Variants in UGT1A6 observed in about 807,000 individuals in gnomAD.
UGT1A6 encodes UDP glucuronosyltransferase family 1 member A6, also known as UDP-glucuronosyltransferase 1A6.
A neutral mutation model predicts 44.4 loss-of-function variants in UGT1A6; 32 were observed. The ratio of observed to expected loss-of-function variants is 0.72; its 90% CI spans 0.54 to 0.97. The LOEUF is 0.97. Ranked by LOEUF, UGT1A6 falls within the 50% of genes least tolerant of loss-of-function variation. UGT1A6 has a pLI of 0.00. For synonymous variants in UGT1A6, 238 were observed against 248.5 expected, an observed-to-expected ratio of 0.96 and a Z score of 0.40; for missense variants, 685 against 661.9, an observed-to-expected ratio of 1.03 and a Z score of -0.38.
intron 1 of UGT1A6, among the ~76,000 whole-genome samples, chr2:233,725,738 A>G (rs1198511442): frequency 6.6e-6 from 1 of 152,210 alleles, no homozygotes; most frequent in Non-Finnish European, 1.5e-5. Flanking sequence ...ACAAATGTAA[A>G]CATTGTAAGA....
At chr2:233,745,011 G>A (rs1692986382) in intron 1 of UGT1A6, among the ~76,000 whole-genome samples, 1 of 151,810 alleles carries the variant, frequency 6.6e-6, no homozygotes, top group South Asian at 2.1e-4. Flanking sequence ...CCTAATAAAT[G>A]TAAATGCTAT....
At position 233,772,425 on chromosome 2, in the gene UGT1A6, G is replaced by A; in HGVS notation, c.1465G>A (p.Asp489Asn). The change falls in exon 5 of 5, where the codon GAC (aspartate) becomes AAC (asparagine). Residue 489 changes from aspartate (D) to asparagine (N), a missense_variant. By Grantham distance (23) the Asp-to-Asn change is conservative (BLOSUM62 1). Transcript: ENST00000305139. Reference protein sequence around the residue: ...DLTWYQYHSLDVIGFLLAVVL... With the variant: ...DLTWYQYHSLNVIGFLLAVVL... ...CACCTGGTACCAGTACCATTCCTTG[G>A]ACGTGATTGGTTTCCTCTTGGCCGT... 1.2e-6 allele frequency: 2 copies of A among 1,614,224 alleles called. No individual in the cohort carries two copies. Among genetic ancestry groups the A allele is most frequent in the Non-Finnish European group, 1.7e-6 (2 of 1,180,044 alleles).
At chr2:233,741,466 G>C (rs577572519) in intron 1 of UGT1A6, 1 of 149,788 alleles carries the variant, frequency 6.7e-6, no homozygotes, top group Non-Finnish European at 1.5e-5. Flanking sequence ...CTTCACACAT[G>C]TAAGTTCCCT....
intron 1 of UGT1A6, among the ~76,000 whole-genome samples, chr2:233,761,693 AG>A (rs1697839049): frequency 6.6e-6 from 1 of 152,260 alleles, no homozygotes; most frequent in African/African-American, 2.4e-5. Flanking sequence ...TGATACAGAA[AG>A]GTTGTAGGTT....
chr2:233,692,242 TA>T (rs2075086970), upstream of UGT1A6: 1 of 152,356 alleles, frequency 6.6e-6, no homozygotes, highest in Non-Finnish European at 1.5e-5. Context: ...TCCATGGCCA[TA>T]CCCCCATATC....
intron 1 of UGT1A6, among the ~76,000 whole-genome samples, chr2:233,722,693 G>A (rs969109813): frequency 2.0e-5 from 3 of 151,938 alleles, no homozygotes; most frequent in Admixed American, 1.3e-4. Context: ...TCTTTTCATT[G>A]CTTTTAGATA....
At chr2:233,734,933 A>T (rs1236153651) in intron 1 of UGT1A6, among the ~76,000 whole-genome samples, 3 of 152,196 alleles carry the variant, frequency 2.0e-5, no homozygotes, top group Non-Finnish European at 4.4e-5. Context: ...TTTACTTACA[A>T]TCATATGGTC....
In UGT1A6 at chr2:233,740,134, T is replaced by C. The variant is rs143794870; in HGVS notation, c.862-26900T>C. ...CTTATCTCTCACCTTCTGTCATGATTGTAAGTTTCCTGAGGCCTCCCCAGT... is the reference window on the plus strand; with the variant it reads ...CTTATCTCTCACCTTCTGTCATGATCGTAAGTTTCCTGAGGCCTCCCCAGT... On this transcript the variant is annotated intron_variant, in intron 1 of 4. Transcript: ENST00000305139. Among the ~76,000 whole-genome samples the C allele has an allele frequency of 9.1e-3, 1,384 of 152,004 alleles. 51 individuals carry two copies. The highest frequency in any genetic ancestry group is 0.032 in the African/African-American group (1,337 of 41,236).
rs1028385252 is a variant in UGT1A6 at position 233,772,759 on chromosome 2, C to T, written c.*200C>T. On this transcript the variant is annotated 3_prime_UTR_variant, in exon 5 of 5. Transcript: ENST00000305139. ...TCAGTAAAGATATTTGAATATGTAT[C>T]GTGCCCCCTCTGGTGTCTTTGATCA... is the stretch of plus-strand genomic sequence containing the variant. 2.3e-5 allele frequency: 32 copies of T among 1,393,958 alleles called. No individual in the cohort carries two copies. In the Admixed American group the frequency reaches 4.6e-4, roughly 20 times the overall value. The allele number at this position is 1,393,958 out of a possible 1,614,324, so 86.3% of individuals were successfully genotyped here. A position where few individuals can be genotyped will look rare whatever the true frequency, so the allele number is the denominator to read the frequency against.
chr2:233,706,663 G>T (rs2075918745), intron 1 of UGT1A6, among the ~76,000 whole-genome samples: 1 of 152,176 alleles, frequency 6.6e-6, no homozygotes, highest in South Asian at 2.1e-4. Context: ...CTGTAGGTCT[G>T]ATTTCTACTC....
Position 233,757,121 on chromosome 2 carries a change from A to G in UGT1A6, c.862-9913A>G, listed in dbSNP as rs559239929. 1.1e-4 allele frequency among the ~76,000 whole-genome samples: 17 copies of G among 151,382 alleles called. No homozygotes were observed. The South Asian group carries it at 3.4e-3, about 30-fold the overall frequency. ...GAGGGGGCAAGCAGAAGGGCTAGAG[A>G]GGAGGAATGAGCTTGGACAGGTGGG... On this transcript the variant is annotated intron_variant, in intron 1 of 4. Coordinates refer to ENST00000305139, the MANE Select transcript of UGT1A6 (RefSeq NM_001072.4).
In UGT1A6 at chr2:233,756,630, T is replaced by C. The variant is rs563087338; in HGVS notation, c.862-10404T>C. On this transcript the variant is annotated intron_variant, in intron 1 of 4. Transcript: ENST00000305139. ...CATTAAGACTTGCAGGCCGTGTGTA[T>C]AGCACTGGGGATAAACATGGGATGC... Among the ~76,000 whole-genome samples the C allele has an allele frequency of 2.1e-3, 314 of 152,296 alleles. 12 individuals carry two copies. In the South Asian group the frequency reaches 0.063, roughly 31 times the overall value.
chr2:233,757,550 A>ATATATATATATATATATAT (rs1696620678), intron 1 of UGT1A6, among the ~76,000 whole-genome samples: 1 of 129,576 alleles, frequency 7.7e-6, no homozygotes, highest in Non-Finnish European at 1.6e-5. Context: ...ATATATATAT[A>ATATATATATATATATATAT]TATATATATA....
intron 1 of UGT1A6, chr2:233,747,713 T>A (rs1051640547): frequency 6.2e-7 from 1 of 1,613,024 alleles, no homozygotes; most frequent in African/African-American, 1.3e-5. Context: ...ACCTATCAAT[T>A]CCTGCTGTGT....
intron 1 of UGT1A6, chr2:233,743,625 C>A (rs201123763): frequency 3.7e-6 from 5 of 1,367,318 alleles, no homozygotes; most frequent in Admixed American, 3.8e-5. Context: ...CTGAAGACGT[C>A]GGCTGGGTCG....
chr2:233,739,944 C>T (rs937638963), intron 1 of UGT1A6, among the ~76,000 whole-genome samples: 6 of 151,864 alleles, frequency 4.0e-5, no homozygotes, highest in Admixed American at 3.3e-4. Flanking sequence ...AGGTTGGTAC[C>T]TGGTGGGAGC....
rs770564267 is a variant in UGT1A6 at position 233,772,524 on chromosome 2, C to T, written c.1564C>T (p.Arg522Ter). ...GYRKCLGKKG[R>*]VKKAHKSKTH ...CCGGAAATGCTTGGGGAAAAAAGGG[C>T]GAGTTAAGAAAGCCCACAAATCCAA... The change falls in exon 5 of 5, where the codon CGA (arginine) becomes TGA (stop). Residue 522 changes from arginine to a stop codon, truncating the protein, a stop_gained. Transcript: ENST00000305139. LOFTEE classifies it high-confidence loss of function. 33 of 1,613,838 alleles carry T rather than the reference C, an allele frequency of 2.0e-5. No individual in the cohort carries two copies. Among genetic ancestry groups the T allele is most frequent in the Middle Eastern group, 1.6e-4 (1 of 6,084 alleles).
chr2:233,756,076 G>T (rs915859102), intron 1 of UGT1A6: 19 of 152,212 alleles, frequency 1.2e-4, no homozygotes, highest in African/African-American at 2.4e-5. Flanking sequence ...GAATGACAAT[G>T]AGAAAATCAA....
intron 1 of UGT1A6, among the ~76,000 whole-genome samples, chr2:233,702,494 C>T (rs374252732): frequency 3.1e-4 from 47 of 152,116 alleles, no homozygotes; most frequent in Non-Finnish European, 5.1e-4. Context: ...CCTCTAGTAC[C>T]GTGTTGAATA....
Sources: gnomAD v4.1 joint callset for allele counts (sites outside exome capture counted in the v4.1 genomes callset) on GRCh38, gnomAD v4.1.1 for gene constraint, MANE v1.5 for transcripts, NCBI Gene and HGNC (gene_info 2026-07-23, HGNC 2026-07-21) for gene names.